Variants in PARD3 observed in about 807,000 individuals in gnomAD.
PARD3 encodes the protein partitioning defective 3 homolog.
Under a neutral mutation model 155.4 loss-of-function variants are expected in PARD3, and 75 were observed. That is an observed-to-expected ratio of 0.48 (90% CI 0.40 to 0.58). The LOEUF is 0.58. Among genes scored for constraint, PARD3 ranks in the 20% least tolerant of loss-of-function variants. The pLI is 0.00. For synonymous variants in PARD3, 576 were observed against 610.5 expected, an observed-to-expected ratio of 0.94 and a Z score of 0.83; for missense variants, 1,642 against 1,721.7, an observed-to-expected ratio of 0.95 and a Z score of 0.82.
intron 20 of PARD3, chr10:34,312,280 A>C: frequency 1.2e-6 from 2 of 1,605,754 alleles, no homozygotes; most frequent in African/African-American, 2.7e-5. Context: ...AAGTAAATTT[A>C]TTGTTTGTTT....
At chr10:34,734,496 C>T (rs544786708) in intron 1 of PARD3, among the ~76,000 whole-genome samples, 8 of 152,032 alleles carry the variant, frequency 5.3e-5, no homozygotes, top group East Asian at 3.9e-4. Context: ...CCACCATGCC[C>T]GGCTAATATT....
Position 34,758,596 on chromosome 10 carries a change from T to C in PARD3, c.120+56280A>G, listed in dbSNP as rs185122652. ...CTACAGAAGGACACCTCATGATGAGTCATTTTCTAGTTGGGGCACTCAAGC... is the reference window on the plus strand; with the variant it reads ...CTACAGAAGGACACCTCATGATGAGCCATTTTCTAGTTGGGGCACTCAAGC... On this transcript the variant is annotated intron_variant, in intron 1 of 24. Transcript: ENST00000374788. Among the ~76,000 whole-genome samples, 9 of 152,336 alleles carry C rather than the reference T, an allele frequency of 5.9e-5. No individual in the cohort carries two copies. In the East Asian group the frequency reaches 1.3e-3, roughly 23 times the overall value.
At chr10:34,407,485 G>A (rs183230018) in intron 5 of PARD3, among the ~76,000 whole-genome samples, 1 of 152,330 alleles carries the variant, frequency 6.6e-6, no homozygotes, top group Non-Finnish European at 1.5e-5. Flanking sequence ...CCCCAGAGAA[G>A]CCAGTGTCTC....
At chr10:34,314,775 TAGTAA>T (rs1957906361) in intron 20 of PARD3, among the ~76,000 whole-genome samples, 1 of 152,226 alleles carries the variant, frequency 6.6e-6, no homozygotes, top group Admixed American at 6.5e-5. Flanking sequence ...GCAGAGATCA[TAGTAA>T]AGTATAGCAA....
At chr10:34,347,040 A>C (rs1220313432) in intron 15 of PARD3, among the ~76,000 whole-genome samples, 1 of 152,218 alleles carries the variant, frequency 6.6e-6, no homozygotes, top group African/African-American at 2.4e-5. Flanking sequence ...CTGATGAATA[A>C]ATTACTGTTT....
rs183726744 is a variant in PARD3, at chr10:34,390,107, T to C, written c.891-5853A>G. The stretch of plus-strand genomic sequence containing the variant: ...ATTCAGCAAATAAAGTTAAATTGCG[T>C]TTTTTTCAAAAGTTATTAAATTAAA... On this transcript the variant is annotated intron_variant, in intron 7 of 24. Transcript: ENST00000374788. Among the ~76,000 whole-genome samples, 546 of 152,140 alleles carry C rather than the reference T, an allele frequency of 3.6e-3. 6 individuals carry two copies. Among genetic ancestry groups the C allele is most frequent in the Middle Eastern group, 6.8e-3 (2 of 294 alleles).
intron 3 of PARD3, among the ~76,000 whole-genome samples, chr10:34,485,116 T>G (rs2079362334): frequency 6.6e-6 from 1 of 152,178 alleles, no homozygotes; most frequent in South Asian, 2.1e-4. Flanking sequence ...GGCAGGCAGA[T>G]CACCTTAGGT....
chr10:34,163,124 A>G (rs1272331532), intron 22 of PARD3, among the ~76,000 whole-genome samples: 1 of 152,196 alleles, frequency 6.6e-6, no homozygotes, highest in Non-Finnish European at 1.5e-5. Flanking sequence ...CATGAAAGAC[A>G]ATGGCGTTTC....
At chr10:34,303,733 G>C (rs1222903936) in intron 20 of PARD3, among the ~76,000 whole-genome samples, 6 of 152,026 alleles carry the variant, frequency 3.9e-5, no homozygotes, top group Non-Finnish European at 2.9e-5. Flanking sequence ...GCCTCCCAAG[G>C]AGCAAAGCCC....
intron 2 of PARD3, among the ~76,000 whole-genome samples, chr10:34,660,661 G>A (rs986785903): frequency 6.6e-6 from 1 of 151,992 alleles, no homozygotes. Flanking sequence ...GCACACCAAC[G>A]CATGTGTGAA....
chr10:34,134,372 G>A (rs1335298832), intron 22 of PARD3, among the ~76,000 whole-genome samples: 2 of 152,172 alleles, frequency 1.3e-5, no homozygotes, highest in African/African-American at 4.8e-5. Context: ...CTAACCAGAA[G>A]TATTCTTCTG....
intron 22 of PARD3, among the ~76,000 whole-genome samples, chr10:34,198,027 G>A (rs970674600): frequency 4.6e-5 from 7 of 152,170 alleles, no homozygotes; most frequent in Non-Finnish European, 8.8e-5. Flanking sequence ...GCGCCCGGCC[G>A]AATCTGCTGT....
intron 2 of PARD3, among the ~76,000 whole-genome samples, chr10:34,572,492 T>TA (rs1164570499): frequency 6.6e-6 from 1 of 151,564 alleles, no homozygotes. Flanking sequence ...ATACAAAAAT[T>TA]AGCCAGGTGT....
At chr10:34,746,504 C>G (rs539183802) in intron 1 of PARD3, among the ~76,000 whole-genome samples, 2 of 152,170 alleles carry the variant, frequency 1.3e-5, no homozygotes, top group South Asian at 4.2e-4. Flanking sequence ...TTTATTAAAG[C>G]CATGAAAGTC....
chr10:34,718,418 G>C (rs1199463278), intron 1 of PARD3, among the ~76,000 whole-genome samples: 1 of 152,122 alleles, frequency 6.6e-6, no homozygotes, highest in Non-Finnish European at 1.5e-5. Flanking sequence ...CCAGCACTGT[G>C]GGAGGCCGAG....
intron 5 of PARD3, among the ~76,000 whole-genome samples, chr10:34,427,682 A>C (rs953054990): frequency 5.9e-5 from 9 of 151,898 alleles, no homozygotes; most frequent in Non-Finnish European, 1.3e-4. Context: ...GCTAATAAAA[A>C]CTTGCTGGCT....
intron 22 of PARD3, among the ~76,000 whole-genome samples, chr10:34,245,123 C>T (rs979866930): frequency 1.3e-5 from 2 of 152,122 alleles, no homozygotes; most frequent in Non-Finnish European, 2.9e-5. Context: ...TGTTTAGACA[C>T]CCAAGGAAGT....
chr10:34,390,403 A>T (rs531120752), intron 7 of PARD3, among the ~76,000 whole-genome samples: 8 of 152,326 alleles, frequency 5.3e-5, no homozygotes, highest in Non-Finnish European at 1.2e-4. Flanking sequence ...TTCAAGGCAC[A>T]TAACAAAAGA....
At chr10:34,474,656 A>T (rs1422432326) in intron 3 of PARD3, among the ~76,000 whole-genome samples, 16 of 152,222 alleles carry the variant, frequency 1.1e-4, no homozygotes, top group Non-Finnish European at 8.8e-5. Flanking sequence ...TGAGGCTCAG[A>T]GAGATGACAT....
Sources: gnomAD v4.1 joint callset for allele counts (sites outside exome capture counted in the v4.1 genomes callset) on GRCh38, gnomAD v4.1.1 for gene constraint, MANE v1.5 for transcripts, NCBI Gene and HGNC (gene_info 2026-07-23, HGNC 2026-07-21) for gene names.